BANP: variants seen among roughly 807,000 people sequenced by gnomAD.
BANP encodes the protein BTG3 associated nuclear protein.
In BANP, 11 loss-of-function variants were observed where a neutral mutation model predicts 68.1. The observed-to-expected ratio is 0.16, with a 90% CI of 0.10 to 0.27. BANP has a LOEUF of 0.27. Among genes scored for constraint, BANP ranks in the 10% least tolerant of loss-of-function variants. The pLI, the probability that BANP is intolerant of heterozygous loss-of-function variation, is 1.00. For missense variants in BANP, 504 were observed against 722.7 expected, an observed-to-expected ratio of 0.70 and a Z score of 3.47; for synonymous variants, 329 against 303.2, an observed-to-expected ratio of 1.09 and a Z score of -0.88.
At chr16:88,056,387 A>G (rs539673472) in intron 11 of BANP, among the ~76,000 whole-genome samples, 1 of 152,212 alleles carries the variant, frequency 6.6e-6, no homozygotes, top group South Asian at 2.1e-4. Context: ...GTTGCAGCGT[A>G]GAAGAATCTT....
At chr16:88,024,921 C>T (rs1358299896) in intron 7 of BANP, among the ~76,000 whole-genome samples, 3 of 152,336 alleles carry the variant, frequency 2.0e-5, no homozygotes, top group Admixed American at 1.3e-4. Flanking sequence ...TCACCCATTT[C>T]TCTTACCTAT....
At chr16:88,011,751 G>A (rs183142433) in intron 6 of BANP, among the ~76,000 whole-genome samples, 80 of 152,232 alleles carry the variant, frequency 5.3e-4, no homozygotes, top group African/African-American at 1.8e-3. Context: ...GGAGCCCACC[G>A]GGTTTTCAAA....
At chr16:87,985,663 A>G (rs1314852604) in intron 4 of BANP, among the ~76,000 whole-genome samples, 1 of 152,222 alleles carries the variant, frequency 6.6e-6, no homozygotes, top group Admixed American at 6.5e-5. Context: ...ATAAGACAAC[A>G]CATTTCAACA....
chr16:88,037,618 A>C, intron 10 of BANP: 1 of 295,788 alleles, frequency 3.4e-6, no homozygotes, highest in Non-Finnish European at 6.5e-6. Flanking sequence ...CCTTCGGGGA[A>C]GCTGGGCGAC....
At chr16:87,965,214 C>T (rs932663184) in intron 1 of BANP, among the ~76,000 whole-genome samples, 3 of 152,036 alleles carry the variant, frequency 2.0e-5, no homozygotes, top group East Asian at 3.9e-4. Context: ...GAATGAGCCC[C>T]ATCAGGCCCT....
At chr16:88,034,092 C>G (rs1256019792) in intron 9 of BANP, among the ~76,000 whole-genome samples, 1 of 152,190 alleles carries the variant, frequency 6.6e-6, no homozygotes, top group Non-Finnish European at 1.5e-5. Context: ...GGGCGTGGCT[C>G]TCATCTCAGT....
intron 12 of BANP, among the ~76,000 whole-genome samples, chr16:88,066,968 C>T (rs988948585): frequency 2.0e-5 from 3 of 152,212 alleles, no homozygotes; most frequent in African/African-American, 4.8e-5. Flanking sequence ...ATTGCCACAG[C>T]GGCCTAGACA....
chr16:88,069,003 G>C (rs1047158039), intron 12 of BANP, among the ~76,000 whole-genome samples: 1 of 150,272 alleles, frequency 6.7e-6, no homozygotes, highest in Non-Finnish European at 1.5e-5. Context: ...ACCCAGCCCA[G>C]CCCAGCCCCC....
intron 11 of BANP, among the ~76,000 whole-genome samples, chr16:88,047,429 A>G (rs1389253910): frequency 6.6e-6 from 1 of 152,202 alleles, no homozygotes; most frequent in Non-Finnish European, 1.5e-5. Flanking sequence ...CAAACCAGGA[A>G]GCTGAGTTTG....
chr16:87,985,716 A>G (rs2064247908), intron 4 of BANP, among the ~76,000 whole-genome samples: 1 of 152,222 alleles, frequency 6.6e-6, no homozygotes, highest in African/African-American at 2.4e-5. Flanking sequence ...CCCACCTGGT[A>G]TGTTGCGTCC....
intron 2 of BANP, chr16:87,980,681 T>C (rs2063090233): frequency 4.2e-6 from 1 of 235,380 alleles, no homozygotes; most frequent in South Asian, 5.6e-5. Flanking sequence ...GATAAAACTT[T>C]ATTTTAAAGT....
rs755258976 is a variant in BANP, at chr16:88,037,993, C to T, written c.1293C>T (p.His431=). The T allele has an allele frequency of 1.2e-5, 20 of 1,613,218 alleles. No individual in the cohort carries two copies. The highest frequency in any genetic ancestry group is 4.0e-5 in the African/African-American group (3 of 74,844). The change falls in exon 11 of 14, where the codon CAC becomes CAT. Residue 431 remains histidine (H), a synonymous_variant. Coordinates refer to ENST00000682872, the MANE Select transcript of BANP (RefSeq NM_001386991.1). ...TGTAGGGCAACCTCCAGATCCATCA[C>T]GTGGGGCAGGACGGTCAGGTGAGTG... is the stretch of plus-strand genomic sequence containing the variant. The part of the protein sequence containing the change: ...QDSEGNLQIH[H]VGQDGQLLEA...
rs1437939998 is a variant in BANP at position 88,006,277 on chromosome 16, G to A, written c.655+12G>A. On this transcript the variant is annotated intron_variant, in intron 6 of 13. Coordinates refer to ENST00000682872, the MANE Select transcript of BANP (RefSeq NM_001386991.1). ...CCTGAACTCGGAAGGTGCGTCCAGG[G>A]CGGCTTTCCTCGGCCAGAGCGCCAG... 10 of 1,578,876 alleles carry A rather than the reference G, an allele frequency of 6.3e-6. No homozygotes were observed. The highest frequency in any genetic ancestry group is 1.8e-5 in the Admixed American group (1 of 55,608).
At chr16:87,976,035 T>C (rs1251598065) in intron 2 of BANP, among the ~76,000 whole-genome samples, 9 of 152,240 alleles carry the variant, frequency 5.9e-5, no homozygotes, top group Non-Finnish European at 1.2e-4. Flanking sequence ...AAGTCTGCTC[T>C]GTTAGCAGCT....
Position 88,003,056 on chromosome 16 carries a change from C to G in BANP, c.363-1239C>G, listed in dbSNP as rs1227401675. Among the ~76,000 whole-genome samples, 1 of 152,166 alleles carries G rather than the reference C, an allele frequency of 6.6e-6. No homozygotes were observed. Among genetic ancestry groups the G allele is most frequent in the Non-Finnish European group, 1.5e-5 (1 of 68,038 alleles). On this transcript the variant is annotated intron_variant, in intron 4 of 13. Coordinates refer to ENST00000682872, the MANE Select transcript of BANP (RefSeq NM_001386991.1). The surrounding 1 kb of genome is among the most constrained non-coding windows in gnomAD (Gnocchi z 6.1). ...TCAGGTAGCCTCTCCAGTTCTACATCTCTGAGGAGCATAGGACTGTCACAG... is the reference window on the plus strand; with the variant it reads ...TCAGGTAGCCTCTCCAGTTCTACATGTCTGAGGAGCATAGGACTGTCACAG...
intron 1 of BANP, among the ~76,000 whole-genome samples, chr16:87,962,675 G>T (rs1444296281): frequency 1.3e-5 from 2 of 152,124 alleles, no homozygotes; most frequent in African/African-American, 4.8e-5. Context: ...GCACACATTT[G>T]GGGGGCCATC....
intron 6 of BANP, among the ~76,000 whole-genome samples, chr16:88,011,901 G>A (rs1001864132): frequency 2.0e-5 from 3 of 152,228 alleles, no homozygotes; most frequent in African/African-American, 7.2e-5. Flanking sequence ...GGGAATGGAG[G>A]TTCTTTTGAA....
intron 11 of BANP, among the ~76,000 whole-genome samples, chr16:88,063,356 G>A (rs532199238): frequency 5.9e-5 from 9 of 152,198 alleles, no homozygotes; most frequent in Non-Finnish European, 1.3e-4. Flanking sequence ...TGTCGTTGTG[G>A]TCCTCCCTGC....
chr16:87,973,076 C>G (rs1473967561), intron 1 of BANP, among the ~76,000 whole-genome samples: 1 of 152,034 alleles, frequency 6.6e-6, no homozygotes, highest in Non-Finnish European at 1.5e-5. Flanking sequence ...TCACCTCGTT[C>G]TGTTGTCGGT....
Sources: gnomAD v4.1 joint callset for allele counts (sites outside exome capture counted in the v4.1 genomes callset) on GRCh38, gnomAD v4.1.1 for gene constraint, Gnocchi (gnomAD v3.1) non-coding constraint, MANE v1.5 for transcripts, NCBI Gene and HGNC (gene_info 2026-07-23, HGNC 2026-07-21) for gene names.